TSPAN18: variants seen among roughly 807,000 people sequenced by gnomAD.
The protein encoded by TSPAN18 is tetraspanin-18.
Under a neutral mutation model 27.3 loss-of-function variants are expected in TSPAN18, and 14 were observed. That is an observed-to-expected ratio of 0.51 (90% CI 0.34 to 0.80). The LOEUF is 0.80. Ranked by LOEUF, TSPAN18 falls within the 30% of genes least tolerant of loss-of-function variation. The pLI, the probability that TSPAN18 is intolerant of heterozygous loss-of-function variation, is 0.01. For synonymous variants in TSPAN18, 143 were observed against 136.5 expected, an observed-to-expected ratio of 1.05 and a Z score of -0.33; for missense variants, 268 against 323.9, an observed-to-expected ratio of 0.83 and a Z score of 1.32.
Position 44,799,356 on chromosome 11 carries a change from C to A in TSPAN18, c.-153+34844C>A, listed in dbSNP as rs183874559. ...GGCCACTGCCCTTGCACACCCTATA[C>A]CTTGGTCCAAACGACACACCCACGA... On this transcript the variant is annotated intron_variant, in intron 2 of 9. Coordinates refer to ENST00000520358, the MANE Select transcript of TSPAN18 (RefSeq NM_130783.5). Among the ~76,000 whole-genome samples the A allele has an allele frequency of 2.6e-5, 4 of 152,324 alleles. No individual in the cohort carries two copies. The East Asian group carries it at 5.8e-4, about 22-fold the overall frequency.
At chr11:44,740,257 G>A (rs550519770) in intron 1 of TSPAN18, among the ~76,000 whole-genome samples, 1 of 152,196 alleles carries the variant, frequency 6.6e-6, no homozygotes, top group Non-Finnish European at 1.5e-5. Context: ...CCTTTGGGGA[G>A]GATGTGTGAC....
At chr11:44,870,828 C>T (rs2135237493) in intron 3 of TSPAN18, among the ~76,000 whole-genome samples, 1 of 152,298 alleles carries the variant, frequency 6.6e-6, no homozygotes, top group South Asian at 2.1e-4. Flanking sequence ...ACACTCCATT[C>T]TGCTGGGGGA....
chr11:44,773,492 A>AT (rs373276528), intron 2 of TSPAN18, among the ~76,000 whole-genome samples: 51 of 150,774 alleles, frequency 3.4e-4, no homozygotes, highest in Middle Eastern at 6.8e-3. Context: ...TCACTAAAAG[A>AT]TTTTTTTTTT....
intron 2 of TSPAN18, among the ~76,000 whole-genome samples, chr11:44,801,507 C>A (rs1213685233): frequency 6.6e-6 from 1 of 152,132 alleles, no homozygotes; most frequent in Non-Finnish European, 1.5e-5. Context: ...GAAATAATAT[C>A]CATATAGCAT....
chr11:44,786,010 A>C (rs1056433414), intron 2 of TSPAN18, among the ~76,000 whole-genome samples: 2 of 152,280 alleles, frequency 1.3e-5, no homozygotes, highest in African/African-American at 4.8e-5. Context: ...AGGGTTAGGC[A>C]GGCAGAGCCT....
At chr11:44,728,393 C>T (rs1399215993) in intron 1 of TSPAN18, among the ~76,000 whole-genome samples, 1 of 152,122 alleles carries the variant, frequency 6.6e-6, no homozygotes, top group Non-Finnish European at 1.5e-5. Context: ...AAACCCAAAC[C>T]CCAAAATGCA....
At chr11:44,789,009 A>C (rs1036993038) in intron 2 of TSPAN18, among the ~76,000 whole-genome samples, 3 of 152,226 alleles carry the variant, frequency 2.0e-5, no homozygotes, top group African/African-American at 7.2e-5. Context: ...CACAAAAAGC[A>C]ACGCAGGCAC....
At chr11:44,833,754 C>G (rs892252846) in intron 2 of TSPAN18, among the ~76,000 whole-genome samples, 3 of 151,964 alleles carry the variant, frequency 2.0e-5, no homozygotes. Context: ...TATGTAGACA[C>G]CAGGTCTGAT....
At chr11:44,862,060 C>T (rs1386563901) in intron 3 of TSPAN18, among the ~76,000 whole-genome samples, 8 of 152,052 alleles carry the variant, frequency 5.3e-5, no homozygotes, top group Admixed American at 5.2e-4. Flanking sequence ...TCTTGAGCCT[C>T]TTTAGGGTTT....
At chr11:44,771,150 G>T (rs1855681612) in intron 2 of TSPAN18, among the ~76,000 whole-genome samples, 1 of 152,168 alleles carries the variant, frequency 6.6e-6, no homozygotes, top group African/African-American at 2.4e-5. Context: ...AGATGACAGA[G>T]GACTGAGCCA....
At position 44,919,412 on chromosome 11, in the gene TSPAN18, A is replaced by G. The variant is rs917416516; in HGVS notation, c.432+100A>G. 4.8e-6 allele frequency: 5 copies of G among 1,037,144 alleles called. No individual in the cohort carries two copies. In the African/African-American group the frequency reaches 7.8e-5, roughly 16 times the overall value. The allele number at this position is 1,037,144 out of a possible 1,614,324, so 64.2% of individuals were successfully genotyped here. On this transcript the variant is annotated intron_variant, in intron 7 of 9. Coordinates refer to ENST00000520358, the MANE Select transcript of TSPAN18 (RefSeq NM_130783.5). ...CAGTAATCAATCCAGGCACTCTCCC[A>G]TTGATCACAGACCTGGCCTTGGAAT...
chr11:44,916,555 G>A (rs978160188), intron 5 of TSPAN18, among the ~76,000 whole-genome samples: 57 of 152,076 alleles, frequency 3.7e-4, no homozygotes, highest in African/African-American at 1.3e-3. Flanking sequence ...GATTCCCCAC[G>A]GGGAATCCCC....
At chr11:44,764,709 A>AG (rs1326714981) in intron 2 of TSPAN18, among the ~76,000 whole-genome samples, 197 bp downstream of exon 2, 1 of 152,140 alleles carries the variant, frequency 6.6e-6, no homozygotes, top group Non-Finnish European at 1.5e-5. Flanking sequence ...CTCATGGGTG[A>AG]GGGCAACGGG....
chr11:44,927,555 T>C (rs149722744), intron 9 of TSPAN18, among the ~76,000 whole-genome samples: 1 of 152,124 alleles, frequency 6.6e-6, no homozygotes, highest in Admixed American at 6.5e-5. Flanking sequence ...CGCCACGGAG[T>C]GCAGTTTCGT....
At chr11:44,773,887 G>A (rs967374103) in intron 2 of TSPAN18, among the ~76,000 whole-genome samples, 5 of 152,162 alleles carry the variant, frequency 3.3e-5, no homozygotes, top group Non-Finnish European at 7.4e-5. Flanking sequence ...TTGTGTACCC[G>A]TGCTTGGGGT....
At chr11:44,839,384 G>A (rs906132355) in intron 2 of TSPAN18, among the ~76,000 whole-genome samples, 3 of 152,168 alleles carry the variant, frequency 2.0e-5, no homozygotes, top group Admixed American at 1.3e-4. Flanking sequence ...AAATGAGCAT[G>A]TGTCTGTCTG....
chr11:44,818,012 C>T (rs1358525329), intron 2 of TSPAN18, among the ~76,000 whole-genome samples: 1 of 152,220 alleles, frequency 6.6e-6, no homozygotes, highest in Non-Finnish European at 1.5e-5. Flanking sequence ...CTGAGATCAC[C>T]TATCCAGGAA....
rs138194981 is a variant in TSPAN18, at chr11:44,799,642, G to A, written c.-153+35130G>A. On this transcript the variant is annotated intron_variant, in intron 2 of 9. Coordinates refer to ENST00000520358, the MANE Select transcript of TSPAN18 (RefSeq NM_130783.5). ...TTATTATGTGTCAGCGATGATTTCT[G>A]TGGTCACAGCAACCCATGAGGTAGG... Among the ~76,000 whole-genome samples, 177 of 152,268 alleles carry A rather than the reference G, an allele frequency of 1.2e-3. 1 individual carries two copies. The highest frequency in any genetic ancestry group is 4.2e-3 in the African/African-American group (173 of 41,548).
chr11:44,772,426 G>C (rs1590443968), intron 2 of TSPAN18, among the ~76,000 whole-genome samples: 2 of 164 alleles, frequency 0.012, no homozygotes, highest in Admixed American at 0.14. Context: ...GTTATGACAT[G>C]GAAAATGTAA....
Sources: allele counts gnomAD v4.1 joint callset (sites outside exome capture counted in the v4.1 genomes callset), GRCh38; gene constraint gnomAD v4.1.1; transcripts MANE v1.5; gene names NCBI Gene and HGNC (gene_info 2026-07-23, HGNC 2026-07-21).